The following CARMIL1 variants were observed in gnomAD, a reference collection of about 807,000 sequenced individuals.
CARMIL1 encodes the protein capping protein regulator and myosin 1 linker 1.
CARMIL1 carries 90 observed loss-of-function variants against 177.1 expected under a neutral mutation model. The observed-to-expected ratio is 0.51, with a 90% CI of 0.43 to 0.61. The LOEUF (loss-of-function observed/expected upper bound fraction) is 0.61. CARMIL1 is among the 20% of genes least tolerant of loss of function. The pLI is 0.00. For synonymous variants in CARMIL1, 577 were observed against 606.2 expected (o/e 0.95, Z 0.71); for missense variants, 1,380 against 1,667.0 (o/e 0.83, Z 3.00).
intron 29 of CARMIL1, among the ~76,000 whole-genome samples, chr6:25,564,828 G>C (rs1811419251): frequency 6.6e-6 from 1 of 152,062 alleles, no homozygotes; most frequent in African/African-American, 2.4e-5. Flanking sequence ...TTCAGACTGA[G>C]GTGGTTATAC....
chr6:25,479,009 G>T, intron 11 of CARMIL1: 2 of 454,362 alleles, frequency 4.4e-6, no homozygotes, highest in South Asian at 1.7e-5. Flanking sequence ...TTATAGAATT[G>T]GTAGAAATGT....
chr6:25,530,875 G>A (rs1807697994), intron 24 of CARMIL1, among the ~76,000 whole-genome samples: 1 of 152,040 alleles, frequency 6.6e-6, no homozygotes, highest in African/African-American at 2.4e-5. Flanking sequence ...CTTTCTCTGG[G>A]GCAGCCATAA....
At chr6:25,363,783 T>A (rs1789475414) in intron 2 of CARMIL1, among the ~76,000 whole-genome samples, 1 of 152,232 alleles carries the variant, frequency 6.6e-6, no homozygotes, top group South Asian at 2.1e-4. Context: ...TAAGAAGTTA[T>A]ACAGAGTGAT....
At chr6:25,348,085 C>A (rs1472503228) in intron 2 of CARMIL1, among the ~76,000 whole-genome samples, 3 of 152,200 alleles carry the variant, frequency 2.0e-5, no homozygotes, top group Non-Finnish European at 4.4e-5. Context: ...TAAGTTCCTA[C>A]TGCAGATTTC....
chr6:25,295,729 G>T (rs181410840), intron 2 of CARMIL1, among the ~76,000 whole-genome samples: 1 of 152,334 alleles, frequency 6.6e-6, no homozygotes, highest in Admixed American at 6.5e-5. Context: ...CTGTGTGGAA[G>T]TGTTGTCTTC....
At chr6:25,332,521 A>T (rs987238753) in intron 2 of CARMIL1, among the ~76,000 whole-genome samples, 1 of 152,114 alleles carries the variant, frequency 6.6e-6, no homozygotes, top group Non-Finnish European at 1.5e-5. Flanking sequence ...AAAAAGAAGA[A>T]TCCAGGACGA....
At chr6:25,309,097 A>C (rs1226266973) in intron 2 of CARMIL1, among the ~76,000 whole-genome samples, 1 of 152,188 alleles carries the variant, frequency 6.6e-6, no homozygotes, top group Non-Finnish European at 1.5e-5. Flanking sequence ...TATGTTGCCC[A>C]GGCTGGTCAT....
At chr6:25,389,927 A>G (rs145043868) in intron 2 of CARMIL1, among the ~76,000 whole-genome samples, 2 of 152,332 alleles carry the variant, frequency 1.3e-5, no homozygotes, top group African/African-American at 2.4e-5. Flanking sequence ...ATTTTACTCT[A>G]TTGTTATACA....
intron 2 of CARMIL1, among the ~76,000 whole-genome samples, chr6:25,349,115 G>A (rs1207630516): frequency 6.6e-6 from 1 of 152,130 alleles, no homozygotes; most frequent in African/African-American, 2.4e-5. Context: ...AAGGTGGCTG[G>A]AGCGTATCCT....
intron 33 of CARMIL1, among the ~76,000 whole-genome samples, chr6:25,601,070 C>T (rs1414930053): frequency 1.3e-5 from 2 of 152,188 alleles, no homozygotes; most frequent in African/African-American, 4.8e-5. Flanking sequence ...CAATCTACTC[C>T]TTGTCTTCGT....
chr6:25,352,066 A>G (rs1788158638), intron 2 of CARMIL1, among the ~76,000 whole-genome samples: 1 of 151,890 alleles, frequency 6.6e-6, no homozygotes, highest in Non-Finnish European at 1.5e-5. Context: ...TTCAATATTT[A>G]TCAAAACCCA....
In CARMIL1 at chr6:25,604,804, T is replaced by A; in HGVS notation, c.3553-8T>A. ...ACTTTTTGGGGGGATGGTGCTTGAA[T>A]TTTTTAGAAGCTTGGGAATGATGCC... On this transcript the variant is annotated splice_region_variant and splice_polypyrimidine_tract_variant and intron_variant, in intron 33 of 36. Transcript: ENST00000329474. The A allele has an allele frequency of 6.3e-7, 1 of 1,579,314 alleles. No homozygotes were observed. Among genetic ancestry groups the A allele is most frequent in the Non-Finnish European group, 8.6e-7 (1 of 1,162,174 alleles).
At position 25,552,348 on chromosome 6, in the gene CARMIL1, A is replaced by C. The variant is rs3804134; in HGVS notation, c.2504+1263A>C. 2.6e-5 allele frequency among the ~76,000 whole-genome samples: 4 copies of C among 152,292 alleles called. No homozygotes were observed. The East Asian group carries it at 7.7e-4, about 29-fold the overall frequency. On this transcript the variant is annotated intron_variant, in intron 27 of 36. Coordinates refer to ENST00000329474, the MANE Select transcript of CARMIL1 (RefSeq NM_017640.6). ...AATAGATCATATTTTGATAGCTTTG[A>C]GTATCAAATTCTGTCAAATATGATC...
At chr6:25,594,052 C>A (rs377290309) in intron 31 of CARMIL1, among the ~76,000 whole-genome samples, 48 of 152,300 alleles carry the variant, frequency 3.2e-4, no homozygotes, top group African/African-American at 1.1e-3. Context: ...CATCACCACT[C>A]TCAGAAGTCA....
intron 36 of CARMIL1, among the ~76,000 whole-genome samples, chr6:25,614,746 G>C (rs895815551): frequency 6.6e-6 from 1 of 152,194 alleles, no homozygotes; most frequent in African/African-American, 2.4e-5. Flanking sequence ...AACACAAAAA[G>C]AGACGCTCCC....
chr6:25,555,752 G>A (rs920836096), intron 28 of CARMIL1, among the ~76,000 whole-genome samples: 2 of 152,050 alleles, frequency 1.3e-5, no homozygotes, highest in African/African-American at 2.4e-5. Context: ...ATAACCCATG[G>A]CTCCAGGAAT....
chr6:25,488,622 C>T, intron 13 of CARMIL1, 37 bp downstream of exon 13: 1 of 1,498,384 alleles, frequency 6.7e-7, no homozygotes, highest in Non-Finnish European at 9.3e-7. Flanking sequence ...TTCGAAGAAG[C>T]TGTGTTTAAT....
chr6:25,447,044 A>T (rs570955850), intron 5 of CARMIL1, among the ~76,000 whole-genome samples: 1 of 152,312 alleles, frequency 6.6e-6, no homozygotes, highest in Non-Finnish European at 1.5e-5. Context: ...CAAAACAGAT[A>T]TTATAATAAT....
At chr6:25,359,731 C>T (rs1293027327) in intron 2 of CARMIL1, among the ~76,000 whole-genome samples, 4 of 152,038 alleles carry the variant, frequency 2.6e-5, no homozygotes, top group African/African-American at 4.8e-5. Flanking sequence ...GCACAGTGGG[C>T]GGAACCGGGA....
Sources: allele counts gnomAD v4.1 joint callset (sites outside exome capture counted in the v4.1 genomes callset), GRCh38; gene constraint gnomAD v4.1.1; transcripts MANE v1.5; gene names NCBI Gene and HGNC (gene_info 2026-07-23, HGNC 2026-07-21).